Variants in DLC1 observed in about 807,000 individuals in gnomAD.
DLC1 encodes the protein DLC1 Rho GTPase activating protein.
DLC1 carries 54 observed loss-of-function variants against 140.3 expected under a neutral mutation model. The ratio of observed to expected loss-of-function variants is 0.38; its 90% CI spans 0.31 to 0.48. DLC1 has a LOEUF of 0.48. DLC1 is among the 20% of genes least tolerant of loss of function. The pLI, the probability that DLC1 is intolerant of heterozygous loss-of-function variation, is 0.96. For missense variants in DLC1, 2,536 were observed against 1,907.0 expected, an observed-to-expected ratio of 1.33 and a Z score of -6.14; for synonymous variants, 986 against 728.1, an observed-to-expected ratio of 1.35 and a Z score of -5.70.
In DLC1 at chr8:13,575,513, A is replaced by G. The variant is rs944736172; in HGVS notation, c.-126+29024T>C. ...AATGTCCTGCCACACCAAATAAGGG[A>G]GCATATGGGCTTTCTTATCAGCTAG... On this transcript the variant is annotated intron_variant, in intron 1 of 1. Coordinates refer to the DLC1 transcript ENST00000631382. Among the ~76,000 whole-genome samples the G allele has an allele frequency of 2.0e-5, 3 of 151,148 alleles. No homozygotes were observed. In the Admixed American group the frequency reaches 2.0e-4, roughly 10 times the overall value.
Position 13,499,491 on chromosome 8 carries a change from C to A in DLC1, c.581G>T (p.Cys194Phe), listed in dbSNP as rs1055940711. 1.2e-6 allele frequency: 2 copies of A among 1,614,166 alleles called. No homozygotes were observed. Among genetic ancestry groups the A allele is most frequent in the African/African-American group, 2.7e-5 (2 of 75,040 alleles). Residue 194 changes from cysteine to phenylalanine, a missense_variant, in exon 2 of 18, where the codon TGC becomes TTC. Physicochemically the swap from Cys to Phe is radical, Grantham distance 205. Transcript: ENST00000276297. ...TDSISKSLEL[C>F]NEISLSEIKD... ...TATTTCACTTAAGCTTATTTCATTG[C>A]AAAGCTCCAGGCTTTTACTTATAGA...
chr8:13,165,748 G>A (rs879417046), intron 5 of DLC1, among the ~76,000 whole-genome samples: 1 of 152,130 alleles, frequency 6.6e-6, no homozygotes, highest in African/African-American at 2.4e-5. Flanking sequence ...GAAAAGGGCC[G>A]ACCACACATG....
chr8:13,469,609 T>TA (rs1216657108), intron 2 of DLC1, among the ~76,000 whole-genome samples: 5 of 152,182 alleles, frequency 3.3e-5, no homozygotes, highest in Middle Eastern at 3.2e-3. Flanking sequence ...AAATGATAGA[T>TA]ATGTTGTATA....
intron 5 of DLC1, among the ~76,000 whole-genome samples, chr8:13,233,899 C>T (rs1285876627): frequency 6.6e-6 from 1 of 152,138 alleles, no homozygotes; most frequent in African/African-American, 2.4e-5. Flanking sequence ...ATTTGTTTAT[C>T]GTCTCTCTGT....
chr8:13,219,709 A>G (rs1024729244), intron 5 of DLC1, among the ~76,000 whole-genome samples: 1 of 152,076 alleles, frequency 6.6e-6, no homozygotes, highest in Admixed American at 6.6e-5. Context: ...TGGGTCTTCA[A>G]ACAAAAACTT....
At chr8:13,438,423 A>G (rs1378865386) in intron 2 of DLC1, among the ~76,000 whole-genome samples, 2 of 152,162 alleles carry the variant, frequency 1.3e-5, no homozygotes, top group Admixed American at 1.3e-4. Context: ...CTCTGCAATC[A>G]GTTTTGAAAA....
At chr8:13,603,849 A>T (rs183682460) in intron 1 of DLC1, among the ~76,000 whole-genome samples, 70 of 152,196 alleles carry the variant, frequency 4.6e-4, no homozygotes, top group African/African-American at 1.7e-3. Flanking sequence ...CTTGTTGATT[A>T]AGCGGCTCTG....
intron 1 of DLC1, among the ~76,000 whole-genome samples, chr8:13,565,102 C>T (rs1189530856): frequency 6.6e-6 from 1 of 152,096 alleles, no homozygotes; most frequent in South Asian, 2.1e-4. Flanking sequence ...AATTTTCTTC[C>T]TTAGATAACA....
At position 13,507,219 on chromosome 8, in the gene DLC1, C is replaced by T. The variant is rs377329503; in HGVS notation, c.-125-7023G>A. On this transcript the variant is annotated intron_variant, in intron 1 of 17. Transcript: ENST00000276297. ...ACATTTGGGCGCCTTCCCACTGGCA[C>T]ACAGCTCAGTGATAAATGAAGAGGA... is the stretch of plus-strand genomic sequence containing the variant. Among the ~76,000 whole-genome samples, 11 of 152,290 alleles carry T rather than the reference C, an allele frequency of 7.2e-5. No homozygotes were observed. In the East Asian group the frequency reaches 1.9e-3, roughly 27 times the overall value.
chr8:13,373,281 T>C (rs568880459), intron 4 of DLC1, among the ~76,000 whole-genome samples: 1 of 152,358 alleles, frequency 6.6e-6, no homozygotes, highest in Non-Finnish European at 1.5e-5. Flanking sequence ...TCATTTTGAA[T>C]ACAAAAGTGT....
intron 2 of DLC1, among the ~76,000 whole-genome samples, chr8:13,426,835 G>T (rs1186919816): frequency 6.6e-6 from 1 of 151,800 alleles, no homozygotes; most frequent in African/African-American, 2.4e-5. Context: ...TCTCATCCTA[G>T]GAGATCCTCC....
chr8:13,275,149 C>T (rs1188281), intron 5 of DLC1, among the ~76,000 whole-genome samples: 110,328 of 152,094 alleles, frequency 0.73, 40,429 homozygotes, highest in East Asian at 0.92. Flanking sequence ...TTGTTTAGTG[C>T]AACAGACAGA....
chr8:13,336,999 A>C (rs1181126247), intron 4 of DLC1, among the ~76,000 whole-genome samples: 4 of 152,208 alleles, frequency 2.6e-5, no homozygotes, highest in African/African-American at 4.8e-5. Context: ...AAGTAAAACA[A>C]AATCAATTGT....
intron 2 of DLC1, among the ~76,000 whole-genome samples, chr8:13,425,953 C>T (rs1585087294): frequency 6.6e-6 from 1 of 152,184 alleles, no homozygotes; most frequent in East Asian, 1.9e-4. Context: ...GGTGGTACCA[C>T]AGGCATGCAC....
At chr8:13,264,276 T>A (rs1007459142) in intron 5 of DLC1, among the ~76,000 whole-genome samples, 5 of 152,104 alleles carry the variant, frequency 3.3e-5, no homozygotes, top group African/African-American at 1.2e-4. Flanking sequence ...TTTCACCATG[T>A]TGCCCAGGCT....
At chr8:13,183,113 C>G (rs1166342412) in intron 5 of DLC1, among the ~76,000 whole-genome samples, 3 of 151,876 alleles carry the variant, frequency 2.0e-5, no homozygotes, top group South Asian at 2.1e-4. Context: ...TGATTTGGCT[C>G]TCTGTCTGTT....
At chr8:13,593,397 G>A (rs1353546055) in intron 1 of DLC1, among the ~76,000 whole-genome samples, 1 of 152,128 alleles carries the variant, frequency 6.6e-6, no homozygotes, top group African/African-American at 2.4e-5. Context: ...CAGAAGCTGA[G>A]TGTAACCATT....
chr8:13,347,765 A>G (rs1039902197), intron 4 of DLC1, among the ~76,000 whole-genome samples: 1 of 152,176 alleles, frequency 6.6e-6, no homozygotes, highest in Non-Finnish European at 1.5e-5. Context: ...AAGTAAGTAT[A>G]GGTAAGGTGC....
chr8:13,453,101 A>T (rs1799143870), intron 2 of DLC1, among the ~76,000 whole-genome samples: 1 of 151,832 alleles, frequency 6.6e-6, no homozygotes, highest in Non-Finnish European at 1.5e-5. Flanking sequence ...TGACTGGCCC[A>T]AGACAGAATG....
Sources: gnomAD v4.1 joint callset for allele counts (sites outside exome capture counted in the v4.1 genomes callset) on GRCh38, gnomAD v4.1.1 for gene constraint, MANE v1.5 for transcripts, NCBI Gene and HGNC (gene_info 2026-07-23, HGNC 2026-07-21) for gene names.